CHN2: variants seen among roughly 807,000 people sequenced by gnomAD.
The protein encoded by CHN2 is beta-chimaerin.
A neutral mutation model predicts 56.3 loss-of-function variants in CHN2; 35 were observed. That is an observed-to-expected ratio of 0.62 (90% CI 0.47 to 0.82). The LOEUF (loss-of-function observed/expected upper bound fraction) is 0.82, where lower values mean the gene tolerates loss of function less well. Among genes scored for constraint, CHN2 ranks in the 40% least tolerant of loss-of-function variants. The pLI is 0.00. For missense variants in CHN2, 491 were observed against 580.5 expected (o/e 0.85, Z 1.58); for synonymous variants, 210 against 212.8 (o/e 0.99, Z 0.12).
intron 1 of CHN2, among the ~76,000 whole-genome samples, chr7:29,317,914 G>A (rs1056089741): frequency 6.6e-6 from 1 of 152,170 alleles, no homozygotes; most frequent in Non-Finnish European, 1.5e-5. Context: ...AGCCCAGGCG[G>A]CAGAGGTTGC....
At chr7:29,250,429 G>C (rs36032651) in intron 1 of CHN2, among the ~76,000 whole-genome samples, 3,604 of 152,272 alleles carry the variant, frequency 0.024, 57 homozygotes, top group Non-Finnish European at 0.038. Context: ...GATTAACCTA[G>C]TTATGCTTCA....
intron 6 of CHN2, among the ~76,000 whole-genome samples, chr7:29,417,424 C>T (rs1803881746): frequency 6.6e-6 from 1 of 150,892 alleles, no homozygotes. Flanking sequence ...CAAGCTCCGC[C>T]TCCTGGGTTC....
At chr7:29,264,396 G>A (rs1789936851) in intron 1 of CHN2, among the ~76,000 whole-genome samples, 1 of 152,192 alleles carries the variant, frequency 6.6e-6, no homozygotes, top group Non-Finnish European at 1.5e-5. Context: ...GGAAAAGAAA[G>A]AGAGATCAGA....
At chr7:29,148,048 A>G (rs1368238522) in intron 2 of CHN2, among the ~76,000 whole-genome samples, 5 of 152,202 alleles carry the variant, frequency 3.3e-5, no homozygotes. Context: ...GCTGTCCCCC[A>G]GCCACCTCTT....
At chr7:29,392,620 C>T (rs577338465) in intron 3 of CHN2, among the ~76,000 whole-genome samples, 3 of 152,254 alleles carry the variant, frequency 2.0e-5, no homozygotes, top group South Asian at 2.1e-4. Context: ...GCCCCAGCTC[C>T]GCCTTTCTGA....
chr7:29,299,176 G>T (rs1793443115), intron 1 of CHN2, among the ~76,000 whole-genome samples: 1 of 152,156 alleles, frequency 6.6e-6, no homozygotes, highest in Non-Finnish European at 1.5e-5. Context: ...AACATCCTAT[G>T]GTTCCACCCC....
At chr7:29,259,693 A>G (rs898415847) in intron 1 of CHN2, among the ~76,000 whole-genome samples, 2 of 152,174 alleles carry the variant, frequency 1.3e-5, no homozygotes, top group Non-Finnish European at 2.9e-5. Flanking sequence ...GAAATTTGCC[A>G]AAAGAGTAGA....
chr7:29,468,149 C>T (rs867705273), intron 6 of CHN2, among the ~76,000 whole-genome samples: 4 of 109,872 alleles, frequency 3.6e-5, no homozygotes, highest in Admixed American at 8.3e-5. Flanking sequence ...CGCCCCCCCC[C>T]CCCCCCGCCC....
chr7:29,351,672 G>A (rs548127165), intron 1 of CHN2, among the ~76,000 whole-genome samples: 4 of 152,290 alleles, frequency 2.6e-5, no homozygotes, highest in African/African-American at 7.2e-5. Flanking sequence ...CAGAGCAAAG[G>A]TCAAGGACTC....
chr7:29,352,147 T>C (rs569617392), intron 1 of CHN2, among the ~76,000 whole-genome samples: 3 of 152,126 alleles, frequency 2.0e-5, no homozygotes, highest in Non-Finnish European at 4.4e-5. Flanking sequence ...ATACTAAAGA[T>C]CTGCAGAAAG....
rs1798851649 is a variant in CHN2, at chr7:29,187,418, C to G, written c.274+40458C>G. 4.6e-5 allele frequency among the ~76,000 whole-genome samples: 7 copies of G among 151,976 alleles called. No individual in the cohort carries two copies. The South Asian group carries it at 1.5e-3, about 32-fold the overall frequency. On this transcript the variant is annotated intron_variant, in intron 2 of 6. Coordinates refer to the CHN2 transcript ENST00000439384. Reference sequence around the variant, plus strand: ...GTGTACTCTGTTATATTATACATGCCACTTCCTAAAGATTCTGATGTATGG... The same window carrying G: ...GTGTACTCTGTTATATTATACATGCGACTTCCTAAAGATTCTGATGTATGG...
chr7:29,234,638 G>C (rs17157658), intron 1 of CHN2, among the ~76,000 whole-genome samples: 7,907 of 152,228 alleles, frequency 0.052, 463 homozygotes, highest in East Asian at 0.27. Flanking sequence ...TGGTAATTTA[G>C]AGATCTGTAC....
At chr7:29,274,425 A>G (rs1791006820) in intron 1 of CHN2, among the ~76,000 whole-genome samples, 1 of 152,220 alleles carries the variant, frequency 6.6e-6, no homozygotes, top group Non-Finnish European at 1.5e-5. Context: ...GGGCAGCTTA[A>G]ATCTGCTTCT....
intron 7 of CHN2, among the ~76,000 whole-genome samples, chr7:29,491,101 C>G (rs1269674281): frequency 6.6e-6 from 1 of 152,100 alleles, no homozygotes; most frequent in Non-Finnish European, 1.5e-5. Context: ...AAATAAATCT[C>G]TATTATCTCT....
At chr7:29,201,656 C>T (rs949502287) in intron 1 of CHN2, among the ~76,000 whole-genome samples, 9 of 152,136 alleles carry the variant, frequency 5.9e-5, no homozygotes, top group African/African-American at 1.7e-4. Context: ...TATTCAGTTC[C>T]TCAGTTACCC....
At chr7:29,375,218 T>TTTTTG (rs1799972192) in intron 3 of CHN2, among the ~76,000 whole-genome samples, 1 of 64,780 alleles carries the variant, frequency 1.5e-5, no homozygotes, top group Non-Finnish European at 2.7e-5. Flanking sequence ...TTTTTTTTTT[T>TTTTTG]GACGGAGTCT....
chr7:29,183,721 A>G (rs543186570), intron 2 of CHN2, among the ~76,000 whole-genome samples: 1 of 152,300 alleles, frequency 6.6e-6, no homozygotes, highest in African/African-American at 2.4e-5. Context: ...CTAGAGAAAG[A>G]GAACCAATAA....
At chr7:29,403,358 C>A (rs545498195) in intron 6 of CHN2, among the ~76,000 whole-genome samples, 1 of 150,626 alleles carries the variant, frequency 6.6e-6, no homozygotes, top group Non-Finnish European at 1.5e-5. Context: ...TTGCTAAGGG[C>A]GTGTCTTGAA....
chr7:29,467,216 T>C (rs1448018293), intron 6 of CHN2, among the ~76,000 whole-genome samples: 1 of 152,246 alleles, frequency 6.6e-6, no homozygotes, highest in Non-Finnish European at 1.5e-5. Context: ...TTCTTAGAAA[T>C]TGAGTTACTG....
Sources: allele counts gnomAD v4.1 joint callset (sites outside exome capture counted in the v4.1 genomes callset), GRCh38; gene constraint gnomAD v4.1.1; transcripts MANE v1.5; gene names NCBI Gene and HGNC (gene_info 2026-07-23, HGNC 2026-07-21).